KLF5: variants seen among roughly 807,000 people sequenced by gnomAD.
KLF5 encodes KLF transcription factor 5, also known as Krueppel-like factor 5.
In KLF5, 9 loss-of-function variants were observed where a neutral mutation model predicts 36.9. The observed-to-expected ratio is 0.24, with a 90% CI of 0.15 to 0.43. The LOEUF (loss-of-function observed/expected upper bound fraction) is 0.43, where lower values mean the gene tolerates loss of function less well. KLF5 is among the 20% of genes least tolerant of loss of function. The pLI is 1.00. For missense variants in KLF5, 524 were observed against 599.5 expected (o/e 0.87, Z 1.31); for synonymous variants, 246 against 241.7 (o/e 1.02, Z -0.17).
upstream of KLF5, among the ~76,000 whole-genome samples, chr13:73,057,135 G>A (rs1411644586): frequency 1.3e-5 from 2 of 152,126 alleles, no homozygotes; most frequent in Non-Finnish European, 2.9e-5. Context: ...TACAGCTACC[G>A]AATGTATTAA....
intron 3 of KLF5, among the ~76,000 whole-genome samples, chr13:73,065,129 C>A (rs1460742156): frequency 1.3e-5 from 2 of 152,122 alleles, no homozygotes; most frequent in Non-Finnish European, 2.9e-5. Context: ...GCTATGGAAA[C>A]CAAAGTATTC....
chr13:73,067,251 C>T (rs1255414614), intron 3 of KLF5, among the ~76,000 whole-genome samples: 2 of 152,178 alleles, frequency 1.3e-5, no homozygotes, highest in Non-Finnish European at 2.9e-5. Context: ...ATCAACATGA[C>T]TGATAAACTG....
rs1485733273 is a variant in KLF5, at chr13:73,077,110, GAATA to G, written c.*1230_*1233del. On this transcript the variant is annotated 3_prime_UTR_variant, in exon 4 of 4. Transcript: ENST00000377687. ...TGCTGATGCTGTTAACCAAAGGGCA[GAATA>G]AATAAGCAAAATGCCAAAAGGGGTC... The G allele has an allele frequency of 6.6e-6, 1 of 152,536 alleles. No individual in the cohort carries two copies. The highest frequency in any genetic ancestry group is 1.9e-4 in the East Asian group (1 of 5,198). 9.4% of individuals were successfully genotyped at this position (152,536 alleles called of 1,614,324 possible).
chr13:73,062,608 G>A lies in KLF5; in HGVS notation c.1009G>A (p.Ala337Thr). The change falls in exon 2 of 4, where the codon GCA becomes ACA. Residue 337 changes from alanine (A) to threonine (T), a missense_variant. By Grantham distance (58) the Ala-to-Thr change is moderately conservative. This residue lies in a region of KLF5 where 454 missense variants were observed against 458.1 expected (regional missense o/e 0.99). Coordinates refer to ENST00000377687, the MANE Select transcript of KLF5 (RefSeq NM_001730.5). ...TGCTGCTACAATTGCTTCTAAACTG[G>A]CAATTCACAATCCAAATTTACCCAC... is the stretch of plus-strand genomic sequence containing the variant. ...SYAATIASKLAIHNPNLPTTL... is the reference protein window; with the variant it reads ...SYAATIASKLTIHNPNLPTTL... 2 of 1,614,152 alleles carry A rather than the reference G, an allele frequency of 1.2e-6. No homozygotes were observed. Among genetic ancestry groups the A allele is most frequent in the South Asian group, 1.1e-5 (1 of 91,084 alleles).
intron 2 of KLF5, among the ~76,000 whole-genome samples, chr13:73,063,475 T>G (rs1244056471): frequency 6.6e-6 from 1 of 152,206 alleles, no homozygotes; most frequent in Admixed American, 6.5e-5. Flanking sequence ...TCTTGGATAA[T>G]GGCTTAGTAC....
intron 2 of KLF5, among the ~76,000 whole-genome samples, 189 bp downstream of exon 2, chr13:73,062,923 C>G (rs1350552124): frequency 6.7e-6 from 1 of 148,938 alleles, no homozygotes; most frequent in Non-Finnish European, 1.5e-5. Context: ...TATCTCTGTG[C>G]TTTAACTTTG....
upstream of KLF5, among the ~76,000 whole-genome samples, chr13:73,055,967 A>G (rs2044580567): frequency 6.6e-6 from 1 of 152,102 alleles, no homozygotes; most frequent in Non-Finnish European, 1.5e-5. Context: ...CAAACAACTG[A>G]ATTTAGATAT....
intron 2 of KLF5, 91 bp downstream of exon 2, chr13:73,062,825 G>C: frequency 1.7e-6 from 2 of 1,159,872 alleles, no homozygotes; most frequent in South Asian, 3.0e-5. Context: ...GTGCACGCGC[G>C]TGCCCTTTTC....
rs766265953 is a variant in KLF5 at position 73,062,179 on chromosome 13, A to G, written c.580A>G (p.Ser194Gly). ...CCTCCCTGAGTTCACCAGTATATTCAGCTCACACCAGACCGCAGCTCCAGA... is the reference window on the plus strand; with the variant it reads ...CCTCCCTGAGTTCACCAGTATATTCGGCTCACACCAGACCGCAGCTCCAGA... The part of the protein sequence containing the change: ...QALPEFTSIF[S>G]SHQTAAPEVN... The change falls in exon 2 of 4, where the codon AGC becomes GGC. Residue 194 changes from serine to glycine, a missense_variant. Transcript: ENST00000377687. The G allele has an allele frequency of 2.5e-6, 4 of 1,613,956 alleles. No individual in the cohort carries two copies. The highest frequency in any genetic ancestry group is 1.3e-5 in the African/African-American group (1 of 74,906).
At chr13:73,057,844 T>C (rs973467633), upstream of KLF5, among the ~76,000 whole-genome samples, 1 of 152,232 alleles carries the variant, frequency 6.6e-6, no homozygotes, top group Non-Finnish European at 1.5e-5. Context: ...GATAAAATCA[T>C]GTACAAGAAC....
At position 73,059,216 on chromosome 13, in the gene KLF5, A is replaced by G. The variant is rs2139099557; in HGVS notation, c.-112A>G. The G allele has an allele frequency of 9.2e-7, 1 of 1,090,386 alleles. No homozygotes were observed. Among genetic ancestry groups the G allele is most frequent in the East Asian group, 3.3e-5 (1 of 30,420 alleles). 67.5% of individuals were successfully genotyped at this position (1,090,386 alleles called of 1,614,324 possible). On this transcript the variant is annotated 5_prime_UTR_variant, in exon 1 of 4. Coordinates refer to ENST00000377687, the MANE Select transcript of KLF5 (RefSeq NM_001730.5). ...TGCCGCTGTCTGAGGAGTCCACCCGAAACCTCCCCTCCTCCGCCGGCAGCC... is the reference window on the plus strand; with the variant it reads ...TGCCGCTGTCTGAGGAGTCCACCCGGAACCTCCCCTCCTCCGCCGGCAGCC...
chr13:73,063,983 CTTTGTT>C (rs1289833912), intron 3 of KLF5, 100 bp downstream of exon 3: 15 of 351,684 alleles, frequency 4.3e-5, no homozygotes, highest in South Asian at 1.2e-4. Flanking sequence ...CTCCTGTCAA[CTTTGTT>C]TTTTTTTTTT....
At position 73,059,049 on chromosome 13, in the gene KLF5, C is replaced by CGGCGGT. The variant is rs1044633982; in HGVS notation, c.-273_-268dup. 6 of 307,012 alleles carry CGGCGGT rather than the reference C, an allele frequency of 2.0e-5. No homozygotes were observed. Among genetic ancestry groups the CGGCGGT allele is most frequent in the African/African-American group, 4.3e-5 (2 of 46,230 alleles). The allele number at this position is 307,012 out of a possible 1,614,324, so 19.0% of individuals were successfully genotyped here. A position where few individuals can be genotyped will look rare whatever the true frequency, so the allele number is the denominator to read the frequency against. On this transcript the variant is annotated 5_prime_UTR_variant, in exon 1 of 4. Coordinates refer to ENST00000377687, the MANE Select transcript of KLF5 (RefSeq NM_001730.5). ...GCGCTCGCGGTTCTCTCGCGGAGGTCGGCGGTGGCGGGAGCGGGCTCCGGA... is the reference window on the plus strand; with the variant it reads ...GCGCTCGCGGTTCTCTCGCGGAGGTCGGCGGTGGCGGTGGCGGGAGCGGGCTCCGGA...
In KLF5 at chr13:73,062,001, C is replaced by T. The variant is rs1436828642; in HGVS notation, c.402C>T (p.Ile134=). ...ACACTGAAGGGTTACCTTACAGTATCAACATGAACGTCTTCCTCCCTGACA... is the reference window on the plus strand; with the variant it reads ...ACACTGAAGGGTTACCTTACAGTATTAACATGAACGTCTTCCTCCCTGACA... ...FTDTEGLPYS[I]NMNVFLPDIT... Residue 134 remains isoleucine (I), a synonymous_variant, in exon 2 of 4, where the codon ATC becomes ATT. Transcript: ENST00000377687. The T allele has an allele frequency of 6.2e-7, 1 of 1,614,146 alleles. No individual in the cohort carries two copies. Among genetic ancestry groups the T allele is most frequent in the South Asian group, 1.1e-5 (1 of 91,080 alleles).
intron 1 of KLF5, among the ~76,000 whole-genome samples, chr13:73,061,157 A>C (rs1448251541): frequency 6.6e-6 from 1 of 152,218 alleles, no homozygotes; most frequent in Non-Finnish European, 1.5e-5. Context: ...AGGGATATGA[A>C]TAGGAACATT....
chr13:73,059,696 G>A (rs1470860089), intron 1 of KLF5, 108 bp downstream of exon 1: 2 of 991,328 alleles, frequency 2.0e-6, no homozygotes, highest in African/African-American at 1.7e-5. Context: ...CGTGCGTCGG[G>A]GCGCACCGGA....
chr13:73,062,547 A>G lies in KLF5; in HGVS notation c.948A>G (p.Ala316=). 1 of 1,614,242 alleles carries G rather than the reference A, an allele frequency of 6.2e-7. No homozygotes were observed. Among genetic ancestry groups the G allele is most frequent in the Non-Finnish European group, 8.5e-7 (1 of 1,180,018 alleles). Residue 316 remains alanine, a synonymous_variant, in exon 2 of 4, where the codon GCA becomes GCG. Transcript: ENST00000377687. Reference sequence around the variant, plus strand: ...AGCCTGGAAGTCCAGATAGACAAGCAGAGATGCTCCAGAATTTAACCCCAC... The same window carrying G: ...AGCCTGGAAGTCCAGATAGACAAGCGGAGATGCTCCAGAATTTAACCCCAC... ...SSEPGSPDRQ[A]EMLQNLTPPP...
intron 1 of KLF5, 54 bp downstream of exon 1, chr13:73,059,642 C>A: frequency 8.9e-7 from 1 of 1,122,780 alleles, no homozygotes; most frequent in South Asian, 4.3e-5. Context: ...GGGCGTGTCC[C>A]GTTGCTGCGA....
At chr13:73,061,548 G>T (rs887444565) in intron 1 of KLF5, among the ~76,000 whole-genome samples, 1 of 152,190 alleles carries the variant, frequency 6.6e-6, no homozygotes, top group Non-Finnish European at 1.5e-5. Flanking sequence ...GTACAGGGGT[G>T]ATGGTACCTT....
Sources: gnomAD v4.1 joint callset for allele counts (sites outside exome capture counted in the v4.1 genomes callset) on GRCh38, gnomAD v4.1.1 for gene constraint, gnomAD v4.1.1 regional missense constraint, MANE v1.5 for transcripts, NCBI Gene and HGNC (gene_info 2026-07-23, HGNC 2026-07-21) for gene names.